Variants in CR1 observed in about 807,000 individuals in gnomAD.
CR1 encodes the protein complement receptor type 1.
Under a neutral mutation model 187.3 loss-of-function variants are expected in CR1, and 116 were observed. That is an observed-to-expected ratio of 0.62 (90% CI 0.53 to 0.72). CR1 has a LOEUF of 0.72. Ranked by LOEUF, CR1 falls within the 30% of genes least tolerant of loss-of-function variation. The pLI is 0.00. For missense variants in CR1, 1,731 were observed against 2,110.7 expected (o/e 0.82, Z 3.52); for synonymous variants, 576 against 747.1 (o/e 0.77, Z 3.73).
At chr1:207,630,771 T>A (rs910640871) in intron 46 of CR1, 150 bp downstream of exon 46, 9 of 508,038 alleles carry the variant, frequency 1.8e-5, no homozygotes, top group East Asian at 3.3e-5. Context: ...CTTTTTTTTT[T>A]ATTGGATTAT....
rs1206189739 is a variant in CR1 at position 207,637,713 on chromosome 1, G to A, written c.7458-1684G>A. Among the ~76,000 whole-genome samples, 4 of 152,308 alleles carry A rather than the reference G, an allele frequency of 2.6e-5. No homozygotes were observed. In the East Asian group the frequency reaches 5.8e-4, roughly 22 times the overall value. On this transcript the variant is annotated intron_variant, in intron 46 of 46. Transcript: ENST00000367049. ...GTTTGGCAGGGCAATGATCATCTGT[G>A]GGGCCAGGTACCCATACACTATCAT... is the stretch of plus-strand genomic sequence containing the variant.
chr1:207,577,056 G>GC (rs1027222818), intron 28 of CR1, among the ~76,000 whole-genome samples: 1 of 152,102 alleles, frequency 6.6e-6, no homozygotes, highest in African/African-American at 2.4e-5. Context: ...TTCGAGACCA[G>GC]CCTGGCCAAC....
intron 33 of CR1, among the ~76,000 whole-genome samples, chr1:207,586,930 T>C (rs1357718503): frequency 6.6e-6 from 1 of 152,196 alleles, no homozygotes; most frequent in Non-Finnish European, 1.5e-5. Flanking sequence ...AGAACATCAT[T>C]CAACTCACTA....
intron 4 of CR1, among the ~76,000 whole-genome samples, chr1:207,512,237 T>C (rs1659646996): frequency 1.3e-5 from 2 of 152,186 alleles, no homozygotes; most frequent in Admixed American, 1.3e-4. Context: ...TAAACTATGG[T>C]TTGGAAATAA....
intron 27 of CR1, among the ~76,000 whole-genome samples, chr1:207,573,871 T>C (rs1660652448): frequency 2.0e-5 from 3 of 152,094 alleles, no homozygotes; most frequent in Admixed American, 1.3e-4. Context: ...GTGGCTCACA[T>C]ATGTAATCCC....
chr1:207,584,522 T>C (rs1004432422), intron 32 of CR1, 127 bp from the exon 33 acceptor site: 89 of 1,188,770 alleles, frequency 7.5e-5, no homozygotes, highest in Non-Finnish European at 1.0e-5. Context: ...ATTTTGCAGT[T>C]TCTACTTTCC....
intron 5 of CR1, among the ~76,000 whole-genome samples, chr1:207,525,240 TG>T (rs926182382): frequency 3.3e-5 from 5 of 151,722 alleles, no homozygotes; most frequent in Non-Finnish European, 7.4e-5. Context: ...ACATGAGATT[TG>T]GGAGGGGACA....
chr1:207,608,896 TTCTC>T, intron 36 of CR1, among the ~76,000 whole-genome samples: 1 of 152,328 alleles, frequency 6.6e-6, no homozygotes, highest in African/African-American at 2.4e-5. Flanking sequence ...GTGTTTCCTT[TTCTC>T]TCTTTTTCTT....
At chr1:207,592,796 A>G (rs600359) in intron 35 of CR1, among the ~76,000 whole-genome samples, 20,616 of 152,078 alleles carry the variant, frequency 0.14, 4,615 homozygotes, top group African/African-American at 0.47. Flanking sequence ...CTATACACCA[A>G]TAATAGACAA....
intron 4 of CR1, among the ~76,000 whole-genome samples, chr1:207,521,151 C>T (rs886351557): frequency 2.6e-5 from 4 of 151,464 alleles, no homozygotes; most frequent in Non-Finnish European, 5.9e-5. Context: ...TAATTTTTAC[C>T]CTTTTAGTAG....
intron 29 of CR1, among the ~76,000 whole-genome samples, chr1:207,579,345 C>A (rs548518346): frequency 1.1e-4 from 17 of 152,294 alleles, no homozygotes; most frequent in South Asian, 4.1e-4. Context: ...TAGCCTTGTG[C>A]AACCACTGAG....
intron 32 of CR1, among the ~76,000 whole-genome samples, chr1:207,583,044 A>G (rs1020184536): frequency 6.6e-6 from 1 of 152,110 alleles, no homozygotes; most frequent in Non-Finnish European, 1.5e-5. Flanking sequence ...ACTGAAAGAG[A>G]TCTTCACCTA....
At chr1:207,509,623 A>G (rs1659554589) in intron 3 of CR1, among the ~76,000 whole-genome samples, 2 of 152,196 alleles carry the variant, frequency 1.3e-5, no homozygotes, top group Non-Finnish European at 2.9e-5. Context: ...ACACTGAACA[A>G]TAGTATGGAG....
intron 1 of CR1, among the ~76,000 whole-genome samples, chr1:207,500,133 G>A (rs1221405865): frequency 6.6e-6 from 1 of 152,176 alleles, no homozygotes; most frequent in Admixed American, 6.5e-5. Flanking sequence ...ATTCACTATT[G>A]TGAACAGAGA....
chr1:207,499,112 TACA>T (rs1473643377), intron 1 of CR1, among the ~76,000 whole-genome samples: 1 of 152,106 alleles, frequency 6.6e-6, no homozygotes, highest in Non-Finnish European at 1.5e-5. Context: ...ATATACTGTG[TACA>T]ACAAGACCGT....
At chr1:207,610,825 G>A (rs1661904877) in intron 37 of CR1, among the ~76,000 whole-genome samples, 1 of 151,946 alleles carries the variant, frequency 6.6e-6, no homozygotes, top group African/African-American at 2.4e-5. Context: ...GTACATAGTA[G>A]GTGTATATAT....
chr1:207,515,128 C>T lies in CR1; in HGVS notation c.487+3474C>T, dbSNP rs146852685. Among the ~76,000 whole-genome samples, 354 of 138,404 alleles carry T rather than the reference C, an allele frequency of 2.6e-3. 3 individuals are homozygous for T. The highest frequency in any genetic ancestry group is 8.4e-3 in the African/African-American group (311 of 37,002). The allele number at this position is 138,404 out of a possible 152,430, so 90.8% of individuals were successfully genotyped here. Reference sequence around the variant, plus strand: ...ATATGTACGTATATATACATACGTACGTATATATACGTGTATACGTATATA... The same window carrying T: ...ATATGTACGTATATATACATACGTATGTATATATACGTGTATACGTATATA... On this transcript the variant is annotated intron_variant, in intron 4 of 46. Coordinates refer to ENST00000367049, the MANE Select transcript of CR1 (RefSeq NM_000651.6).
chr1:207,505,643 T>G (rs915018010), intron 1 of CR1, among the ~76,000 whole-genome samples: 1 of 152,052 alleles, frequency 6.6e-6, no homozygotes, highest in Non-Finnish European at 1.5e-5. Context: ...GAGACCAGCC[T>G]GGCCAACATG....
chr1:207,600,024 A>C (rs1356128802), intron 35 of CR1, among the ~76,000 whole-genome samples: 1 of 152,230 alleles, frequency 6.6e-6, no homozygotes, highest in Non-Finnish European at 1.5e-5. Context: ...GCCAGATAGC[A>C]AAATTTTCAA....
Sources: gnomAD v4.1 joint callset for allele counts (sites outside exome capture counted in the v4.1 genomes callset) on GRCh38, gnomAD v4.1.1 for gene constraint, MANE v1.5 for transcripts, NCBI Gene and HGNC (gene_info 2026-07-23, HGNC 2026-07-21) for gene names.